Variants in MIER2 observed in about 807,000 individuals in gnomAD.
MIER2 encodes MIER family member 2.
A neutral mutation model predicts 67.6 loss-of-function variants in MIER2; 30 were observed. The observed-to-expected ratio is 0.44, with a 90% CI of 0.33 to 0.60. The LOEUF (loss-of-function observed/expected upper bound fraction) is 0.60. Ranked by LOEUF, MIER2 falls within the 20% of genes least tolerant of loss-of-function variation. The probability of loss-of-function intolerance (pLI) is 0.02; values close to 1 mark genes in which losing one functional copy is unlikely to be tolerated. For synonymous variants in MIER2, 372 were observed against 312.6 expected (o/e 1.19, Z -2.00); for missense variants, 702 against 745.1 (o/e 0.94, Z 0.67).
Position 308,915 on chromosome 19 carries a change from C to T in MIER2, c.995G>A (p.Arg332Gln), listed in dbSNP as rs759868385. ...GTACTCGACACACTCGCCCACTGAC[C>T]GTGTGCGCACCTGCGGGGAGGGGTC... ...HLIQANKVRT[R>Q]SVGECVEYYY... The change falls in exon 11 of 14, where the codon CGG becomes CAG. Residue 332 changes from arginine to glutamine, a missense_variant. Around this residue, in one of 3 missense-constraint regions of MIER2, gnomAD observed 128 missense variants for 189.7 expected, o/e 0.67. Coordinates refer to ENST00000264819, the MANE Select transcript of MIER2 (RefSeq NM_017550.3). This position sits in a 1 kb window ranked among gnomAD's most constrained non-coding sequence, Gnocchi z 9.1. 1.9e-6 allele frequency: 3 copies of T among 1,602,784 alleles called. No homozygotes were observed. Among genetic ancestry groups the T allele is most frequent in the South Asian group, 1.1e-5 (1 of 90,902 alleles).
chr19:307,692 G>C (rs548249709), intron 12 of MIER2, among the ~76,000 whole-genome samples, 156 bp from the exon 13 acceptor site: 2 of 152,160 alleles, frequency 1.3e-5, no homozygotes, highest in East Asian at 3.9e-4. Context: ...ACTGAAATCC[G>C]CGAGCCCCAG....
At chr19:344,343 G>A (rs1972641969) in intron 1 of MIER2, 2 of 984,970 alleles carry the variant, frequency 2.0e-6, no homozygotes, top group South Asian at 4.7e-5. Context: ...GCGCCTGGCG[G>A]CCCCAGCACT....
chr19:336,077 A>G lies in MIER2; in HGVS notation c.100+6T>C, dbSNP rs781014063. The G allele has an allele frequency of 8.1e-6, 13 of 1,612,748 alleles. No individual in the cohort carries two copies. The highest frequency in any genetic ancestry group is 1.1e-5 in the Non-Finnish European group (13 of 1,179,002). On this transcript the variant is annotated splice_donor_region_variant and intron_variant, in intron 2 of 13. Coordinates refer to ENST00000264819, the MANE Select transcript of MIER2 (RefSeq NM_017550.3). Reference sequence around the variant, plus strand: ...ACCTGAGCAGGGGAAGGAGGGAGGAAGGTACCTGCTGTTGTCTGCAAGCCC... The same window carrying G: ...ACCTGAGCAGGGGAAGGAGGGAGGAGGGTACCTGCTGTTGTCTGCAAGCCC...
Position 327,238 on chromosome 19 carries a change from A to G in MIER2, c.388T>C (p.Leu130=). The part of the protein sequence containing the change: ...TLDKEQIAKD[L]LSGEEEEETQ... ...TCTTCCTCTTCTTCCCCTGAAAGCA[A>G]ATCCTTCGCTATTTGTTCCTTTAAA... The change falls in exon 5 of 14, where the codon TTG becomes CTG. Residue 130 remains leucine, a synonymous_variant. Transcript: ENST00000264819. The G allele has an allele frequency of 1.9e-6, 3 of 1,582,810 alleles. No individual in the cohort carries two copies. The highest frequency in any genetic ancestry group is 2.6e-6 in the Non-Finnish European group (3 of 1,171,228).
rs1489366509 is a variant in MIER2 at position 307,417 on chromosome 19, C to T, written c.1318G>A (p.Val440Ile). The change falls in exon 13 of 14, where the codon GTA becomes ATA. Residue 440 changes from valine (V) to isoleucine (I), a missense_variant. By Grantham distance (29) the Val-to-Ile change is conservative (BLOSUM62 3). This residue lies in a region of MIER2 where 254 missense variants were observed against 262.8 expected (regional missense o/e 0.97). Transcript: ENST00000264819. The stretch of plus-strand genomic sequence containing the variant: ...GCTGGGGGCCGATGGGACAGGGGTA[C>T]AGCGGGGGACTCATCCAGCTGCTGG... ...SFQQLDESPA[V>I]PLSHRPPALA... The T allele has an allele frequency of 6.2e-6, 10 of 1,600,262 alleles. No homozygotes were observed. The highest frequency in any genetic ancestry group is 8.5e-6 in the Non-Finnish European group (10 of 1,174,010).
At chr19:321,117 G>A (rs986757619) in intron 7 of MIER2, among the ~76,000 whole-genome samples, 17 of 152,186 alleles carry the variant, frequency 1.1e-4, no homozygotes, top group African/African-American at 3.4e-4. Context: ...GGAACTGTAC[G>A]TCAGGTAACT....
At chr19:332,742 T>G (rs559841482) in intron 3 of MIER2, among the ~76,000 whole-genome samples, 1 of 102,572 alleles carries the variant, frequency 9.7e-6, no homozygotes, top group African/African-American at 3.9e-5. Flanking sequence ...CCAATTTACA[T>G]GTCAGTTTTA....
At chr19:311,613 T>C (rs998908534) in intron 10 of MIER2, among the ~76,000 whole-genome samples, 5 of 151,928 alleles carry the variant, frequency 3.3e-5, no homozygotes, top group Admixed American at 3.3e-4. Flanking sequence ...AGAATTCAGC[T>C]TTTGCCACAT....
At position 306,611 on chromosome 19, in the gene MIER2, G is replaced by C; in HGVS notation, c.*79C>G. On this transcript the variant is annotated 3_prime_UTR_variant, in exon 14 of 14. Transcript: ENST00000264819. The stretch of plus-strand genomic sequence containing the variant: ...CCAAGGCCCGGGGGGTGGGGAAGGG[G>C]TCAGGAAGACTGACAGAGGCGGGCC... 6.5e-7 allele frequency: 1 copy of C among 1,537,166 alleles called. No homozygotes were observed. The highest frequency in any genetic ancestry group is 2.0e-5 in the Admixed American group (1 of 50,950).
intron 7 of MIER2, among the ~76,000 whole-genome samples, chr19:318,345 G>A (rs775027832): frequency 2.0e-5 from 3 of 152,122 alleles, no homozygotes; most frequent in Non-Finnish European, 4.4e-5. Flanking sequence ...ACTTATTTAC[G>A]GTAAGAAGTG....
chr19:340,429 T>C (rs1238206120), intron 1 of MIER2: 1 of 152,254 alleles, frequency 6.6e-6, no homozygotes, highest in Non-Finnish European at 1.5e-5. Context: ...TTTTATATAT[T>C]GTATTATGTA....
chr19:309,573 GACAC>G (rs765118782), intron 10 of MIER2, among the ~76,000 whole-genome samples: 24 of 105,210 alleles, frequency 2.3e-4, no homozygotes, highest in African/African-American at 5.1e-4. Context: ...GACGAGAAGG[GACAC>G]ACACACACAC....
In MIER2 at chr19:334,427, C is replaced by T. The variant is rs767334177; in HGVS notation, c.216G>A (p.Glu72=). The stretch of plus-strand genomic sequence containing the variant: ...GGGAGATGAAGTCCTTCTCCAGCTC[C>T]TCCTTGGGCTTGTCTGGGCACCTCG... ...EASRCPDKPK[E]ELEKDFISQS... The change falls in exon 3 of 14, where the codon GAG becomes GAA. Residue 72 remains glutamate (E), a synonymous_variant. Transcript: ENST00000264819. 6 of 1,614,106 alleles carry T rather than the reference C, an allele frequency of 3.7e-6. No individual in the cohort carries two copies. The highest frequency in any genetic ancestry group is 3.4e-6 in the Non-Finnish European group (4 of 1,180,048).
chr19:342,470 G>A (rs2145577966), intron 1 of MIER2, among the ~76,000 whole-genome samples: 1 of 152,028 alleles, frequency 6.6e-6, no homozygotes, highest in African/African-American at 2.4e-5. Flanking sequence ...CTAGAGTAGG[G>A]GGCAGATCCG....
intron 6 of MIER2, 91 bp from the exon 7 acceptor site, chr19:325,795 G>C (rs978371241): frequency 4.8e-5 from 67 of 1,409,780 alleles, no homozygotes; most frequent in Non-Finnish European, 6.6e-5. Flanking sequence ...GGCTTACGGG[G>C]AGGGGCCACT....
chr19:323,054 T>C (rs1424066917), intron 7 of MIER2, among the ~76,000 whole-genome samples: 1 of 149,850 alleles, frequency 6.7e-6, no homozygotes, highest in Non-Finnish European at 1.5e-5. Context: ...ACAACTCAAA[T>C]GACAGACGTC....
chr19:334,353 C>G (rs377420121), intron 3 of MIER2, 47 bp downstream of exon 3: 1 of 1,610,610 alleles, frequency 6.2e-7, no homozygotes, highest in African/African-American at 1.3e-5. Context: ...AGGCTTACCC[C>G]GGAGGGCTCC....
chr19:326,659 TTCTCTCCACTCCCATTC>T (rs1337330817), intron 5 of MIER2, 61 bp from the exon 6 acceptor site: 26 of 1,285,782 alleles, frequency 2.0e-5, no homozygotes, highest in Non-Finnish European at 2.9e-5. Flanking sequence ...ATACAACCCC[TTCTCTCCACTCCCATTC>T]TCCATCCACC....
At chr19:337,444 T>C (rs537965474) in intron 1 of MIER2, among the ~76,000 whole-genome samples, 19 of 152,292 alleles carry the variant, frequency 1.2e-4, no homozygotes, top group African/African-American at 4.1e-4. Flanking sequence ...TACTTATCAT[T>C]GCCCTCAATG....
Sources: allele counts gnomAD v4.1 joint callset (sites outside exome capture counted in the v4.1 genomes callset), GRCh38; gene constraint gnomAD v4.1.1; regional missense constraint gnomAD v4.1.1; non-coding constraint Gnocchi (gnomAD v3.1); transcripts MANE v1.5; gene names NCBI Gene and HGNC (gene_info 2026-07-23, HGNC 2026-07-21).